The following DSCAM variants were observed in gnomAD, a reference collection of about 807,000 sequenced individuals.
DSCAM encodes the protein DS cell adhesion molecule.
A neutral mutation model predicts 217.7 loss-of-function variants in DSCAM; 47 were observed. The observed-to-expected ratio is 0.22, with a 90% CI of 0.17 to 0.28. The LOEUF is 0.28. Ranked by LOEUF, DSCAM falls within the 10% of genes least tolerant of loss-of-function variation. The pLI is 1.00. For synonymous variants in DSCAM, 1,056 were observed against 1,015.3 expected, an observed-to-expected ratio of 1.04 and a Z score of -0.76; for missense variants, 2,080 against 2,618.3, an observed-to-expected ratio of 0.79 and a Z score of 4.49.
intron 3 of DSCAM, among the ~76,000 whole-genome samples, chr21:40,554,213 TA>T (rs1317520256): frequency 6.6e-6 from 1 of 150,756 alleles, no homozygotes; most frequent in Non-Finnish European, 1.5e-5. Flanking sequence ...TTTTTTTTTT[TA>T]ATGCGACAAA....
rs987619253 is a variant in DSCAM at position 40,369,226 on chromosome 21, T to C, written c.528A>G (p.Thr176=). The part of the protein sequence containing the change: ...SLVSGSRFLI[T]STGALYIKDV... ...CTTTAATATACAAGGCTCCCGTGGA[T>C]GTGATGAGAAATCTAGATCCTGAAA... Residue 176 remains threonine, a synonymous_variant, in exon 4 of 33, where the codon ACA becomes ACG. Transcript: ENST00000400454. 1 of 1,609,190 alleles carries C rather than the reference T, an allele frequency of 6.2e-7. No homozygotes were observed. The highest frequency in any genetic ancestry group is 1.7e-5 in the Admixed American group (1 of 59,162).
At chr21:40,046,621 T>C (rs981292822) in intron 30 of DSCAM, among the ~76,000 whole-genome samples, 2 of 152,176 alleles carry the variant, frequency 1.3e-5, no homozygotes, top group African/African-American at 4.8e-5. Context: ...AAGTGAAGCT[T>C]GTTATTTAAA....
intron 3 of DSCAM, among the ~76,000 whole-genome samples, chr21:40,619,041 TA>T (rs11297870): frequency 0.027 from 4,091 of 151,926 alleles, 186 homozygotes; most frequent in African/African-American, 0.094. Context: ...ACCCACCGGG[TA>T]AAAGGAAAGC....
chr21:40,840,235 C>CA (rs1341442316), intron 1 of DSCAM, among the ~76,000 whole-genome samples: 1 of 152,034 alleles, frequency 6.6e-6, no homozygotes, highest in Non-Finnish European at 1.5e-5. Flanking sequence ...AAGATAATGA[C>CA]AAAAAACCCA....
intron 3 of DSCAM, among the ~76,000 whole-genome samples, chr21:40,678,268 G>T (rs1453499201): frequency 6.6e-6 from 1 of 152,006 alleles, no homozygotes; most frequent in Non-Finnish European, 1.5e-5. Flanking sequence ...TTTTAAAATG[G>T]CAACTTTAAA....
At chr21:40,256,396 GAGAC>G (rs1045966189) in intron 11 of DSCAM, among the ~76,000 whole-genome samples, 8 of 149,080 alleles carry the variant, frequency 5.4e-5, no homozygotes, top group African/African-American at 1.8e-4. Context: ...AGGAGAGAGA[GAGAC>G]AGACAGAGAG....
At chr21:40,742,016 G>A (rs1268313530) in intron 1 of DSCAM, among the ~76,000 whole-genome samples, 4 of 152,156 alleles carry the variant, frequency 2.6e-5, no homozygotes, top group South Asian at 4.1e-4. Context: ...AGCCCACCAC[G>A]TACAGCCACA....
intron 3 of DSCAM, among the ~76,000 whole-genome samples, chr21:40,613,641 C>T (rs1156916355): frequency 1.3e-5 from 2 of 152,012 alleles, no homozygotes; most frequent in African/African-American, 4.8e-5. Context: ...TAGCATGCCG[C>T]ACTGCTGAGA....
intron 3 of DSCAM, among the ~76,000 whole-genome samples, chr21:40,657,085 A>G (rs914942329): frequency 1.3e-5 from 2 of 152,214 alleles, no homozygotes; most frequent in Non-Finnish European, 1.5e-5. Context: ...CCCATTATAG[A>G]AAGTTTTGCA....
Position 40,587,680 on chromosome 21 carries a change from G to C in DSCAM, c.508+105130C>G, listed in dbSNP as rs1276276677. Among the ~76,000 whole-genome samples, 4 of 152,138 alleles carry C rather than the reference G, an allele frequency of 2.6e-5. No individual in the cohort carries two copies. The South Asian group carries it at 8.3e-4, about 32-fold the overall frequency. ...CAGTGATGCTGCAGCACAAGTTTTA[G>C]CCCAAATAAAATATATTGTAAAGGT... is the stretch of plus-strand genomic sequence containing the variant. On this transcript the variant is annotated intron_variant, in intron 3 of 32. Coordinates refer to ENST00000400454, the MANE Select transcript of DSCAM (RefSeq NM_001389.5).
In DSCAM at chr21:40,636,172, G is replaced by A. The variant is rs191963508; in HGVS notation, c.508+56638C>T. On this transcript the variant is annotated intron_variant, in intron 3 of 32. Transcript: ENST00000400454. ...TTAAAGCTGCAAGACCCCAGCACTC[G>A]CTATCTCTGCTGCCCAGCTGGCGCG... Among the ~76,000 whole-genome samples the A allele has an allele frequency of 4.4e-3, 663 of 152,182 alleles. 3 individuals carry two copies. Among genetic ancestry groups the A allele is most frequent in the Non-Finnish European group, 6.9e-3 (469 of 68,020 alleles).
chr21:40,721,304 C>G (rs1236030383), intron 1 of DSCAM, among the ~76,000 whole-genome samples: 1 of 152,056 alleles, frequency 6.6e-6, no homozygotes, highest in Non-Finnish European at 1.5e-5. Flanking sequence ...GGAAATATGG[C>G]ATATTATTAG....
rs1233707657 is a variant in DSCAM at position 40,052,012 on chromosome 21, C to G, written c.5131G>C (p.Val1711Leu). The change falls in exon 30 of 33, where the codon GTG becomes CTG. Residue 1711 changes from valine to leucine, a missense_variant. Physicochemically the swap from Val to Leu is conservative, Grantham distance 32. Transcript: ENST00000400454. ...TVTHTVHYQS[V>L]SQATGPLVDV... ...ACTAAGGGCCCAGTGGCCTGAGACACCGATTGGTAATGGACCGTGTGAGTG... is the reference window on the plus strand; with the variant it reads ...ACTAAGGGCCCAGTGGCCTGAGACAGCGATTGGTAATGGACCGTGTGAGTG... 1.2e-6 allele frequency: 2 copies of G among 1,614,046 alleles called. No individual in the cohort carries two copies. Among genetic ancestry groups the G allele is most frequent in the Middle Eastern group, 1.6e-4 (1 of 6,062 alleles).
At chr21:40,070,435 G>A (rs183183909) in intron 27 of DSCAM, among the ~76,000 whole-genome samples, 125 of 151,978 alleles carry the variant, frequency 8.2e-4, no homozygotes, top group Middle Eastern at 3.4e-3. Flanking sequence ...GAGAAAGAAA[G>A]ACAAAGAGAA....
intron 3 of DSCAM, among the ~76,000 whole-genome samples, chr21:40,499,872 C>T (rs188600070): frequency 2.7e-3 from 416 of 152,236 alleles, no homozygotes; most frequent in Admixed American, 6.7e-3. Flanking sequence ...TCTTTGCCTC[C>T]TGGGTTCAAG....
intron 11 of DSCAM, among the ~76,000 whole-genome samples, chr21:40,249,578 A>C (rs1435716341): frequency 1.3e-5 from 2 of 152,156 alleles, no homozygotes; most frequent in Non-Finnish European, 2.9e-5. Context: ...TATTCAAATC[A>C]TGGGAATTGT....
At position 40,304,196 on chromosome 21, in the gene DSCAM, TAA is replaced by T. The variant is rs146148769; in HGVS notation, c.2062+7883_2062+7884del. Among the ~76,000 whole-genome samples the T allele has an allele frequency of 7.4e-3, 1,130 of 152,358 alleles. 14 individuals carry two copies. The highest frequency in any genetic ancestry group is 0.025 in the African/African-American group (1,019 of 41,588). ...CTTATATTTTCTTCAAGACAACAGC[TAA>T]TTTATTTTAGATCAAGTCTTTACAA... On this transcript the variant is annotated intron_variant, in intron 9 of 32. Transcript: ENST00000400454.
chr21:40,628,744 TCTATC>T (rs2089640281), intron 3 of DSCAM, among the ~76,000 whole-genome samples: 7 of 102,740 alleles, frequency 6.8e-5, no homozygotes, highest in Non-Finnish European at 1.3e-4. Flanking sequence ...TATCTATCTA[TCTATC>T]TTTTCTTGTG....
intron 3 of DSCAM, among the ~76,000 whole-genome samples, chr21:40,692,371 A>G (rs190569541): frequency 1.1e-3 from 165 of 152,356 alleles, no homozygotes; most frequent in African/African-American, 3.8e-3. Flanking sequence ...AATAGGTCAG[A>G]GATACAACAT....
Sources: allele counts gnomAD v4.1 joint callset (sites outside exome capture counted in the v4.1 genomes callset), GRCh38; gene constraint gnomAD v4.1.1; transcripts MANE v1.5; gene names NCBI Gene and HGNC (gene_info 2026-07-23, HGNC 2026-07-21).